Variants in C16orf46 observed in about 807,000 individuals in gnomAD.
C16orf46 encodes the protein chromosome 16 open reading frame 46.
C16orf46 carries 7 observed loss-of-function variants against 5.5 expected under a neutral mutation model. The observed-to-expected ratio is 1.28, with a 90% CI of 0.73 to 2.40. The LOEUF is 2.40. Ranked by LOEUF, C16orf46 falls within the 30% of genes most tolerant of loss-of-function variation. The pLI, the probability that C16orf46 is intolerant of heterozygous loss-of-function variation, is 0.00. For missense variants in C16orf46, 614 were observed against 476.0 expected, an observed-to-expected ratio of 1.29 and a Z score of -2.70; for synonymous variants, 200 against 184.1, an observed-to-expected ratio of 1.09 and a Z score of -0.70.
At chr16:81,059,257 G>T (rs1002981741), downstream of C16orf46, among the ~76,000 whole-genome samples, 12 of 132,000 alleles carry the variant, frequency 9.1e-5, no homozygotes, top group African/African-American at 3.1e-4. Context: ...GGAGGCGGAG[G>T]TTACAGTGAG....
At chr16:81,075,893 T>A (rs1050540101) in intron 1 of C16orf46, among the ~76,000 whole-genome samples, 1 of 152,168 alleles carries the variant, frequency 6.6e-6, no homozygotes. Context: ...GCTGTTTATG[T>A]CAAAAGCAGA....
intron 1 of C16orf46, among the ~76,000 whole-genome samples, chr16:81,075,745 A>C (rs1311388385): frequency 6.6e-6 from 1 of 152,224 alleles, no homozygotes; most frequent in Non-Finnish European, 1.5e-5. Context: ...CATGTTTGCC[A>C]GTCTGTCTAT....
intron 1 of C16orf46, among the ~76,000 whole-genome samples, chr16:81,070,365 G>C (rs760308713): frequency 2.0e-5 from 3 of 152,090 alleles, no homozygotes; most frequent in Non-Finnish European, 2.9e-5. Context: ...AGAATTAAGT[G>C]GAGAAATCAC....
At chr16:81,073,241 G>C (rs918167404) in intron 1 of C16orf46, among the ~76,000 whole-genome samples, 1 of 152,148 alleles carries the variant, frequency 6.6e-6, no homozygotes, top group Non-Finnish European at 1.5e-5. Context: ...CATAAATTCA[G>C]GCTAAAAAGT....
intron 1 of C16orf46, among the ~76,000 whole-genome samples, chr16:81,070,197 G>T (rs1051319521): frequency 3.9e-5 from 6 of 152,042 alleles, no homozygotes; most frequent in Non-Finnish European, 8.8e-5. Flanking sequence ...CCCAAAAATA[G>T]ATTGAAAGGT....
intron 1 of C16orf46, among the ~76,000 whole-genome samples, chr16:81,068,779 G>A (rs1356504120): frequency 6.6e-6 from 1 of 151,986 alleles, no homozygotes; most frequent in East Asian, 1.9e-4. Flanking sequence ...CCAGCTCACT[G>A]CAACCTCCGC....
chr16:81,068,068 A>G (rs1215104519), intron 1 of C16orf46, among the ~76,000 whole-genome samples: 4 of 152,240 alleles, frequency 2.6e-5, no homozygotes, highest in Non-Finnish European at 5.9e-5. Context: ...AAATGCAGAA[A>G]AGAATAGACA....
intron 1 of C16orf46, among the ~76,000 whole-genome samples, chr16:81,070,183 A>C (rs1476036337): frequency 1.3e-5 from 2 of 152,180 alleles, no homozygotes; most frequent in Non-Finnish European, 2.9e-5. Flanking sequence ...TGAAAACACA[A>C]AGTCCCAAAA....
In C16orf46 at chr16:81,061,731, C is replaced by G; in HGVS notation, c.618G>C (p.Arg206Ser). 3 of 1,614,008 alleles carry G rather than the reference C, an allele frequency of 1.9e-6. No homozygotes were observed. The highest frequency in any genetic ancestry group is 2.5e-6 in the Non-Finnish European group (3 of 1,180,018). Residue 206 changes from arginine to serine, a missense_variant, in exon 4 of 4, where the codon AGG (arginine) becomes AGC (serine). Coordinates refer to ENST00000299578, the MANE Select transcript of C16orf46 (RefSeq NM_152337.3). ...TCAGGGGAGGCAGAACTAGGAGGGC[C>G]CTGGAAGTCAGGGGGCCTGGGATGG... ...GLSIPGPLTS[R>S]ALLVLPPLKA...
chr16:81,058,692 T>G (rs1231801783), downstream of C16orf46, among the ~76,000 whole-genome samples: 1 of 152,220 alleles, frequency 6.6e-6, no homozygotes, highest in Non-Finnish European at 1.5e-5. Context: ...TTGTTATATT[T>G]GATCCACTCA....
downstream of C16orf46, among the ~76,000 whole-genome samples, chr16:81,057,400 T>C (rs1282138102): frequency 6.6e-6 from 1 of 151,770 alleles, no homozygotes. Flanking sequence ...AATACAAAAA[T>C]TAGCTGGGCA....
Position 81,061,506 on chromosome 16 carries a change from G to T in C16orf46, c.843C>A (p.Ser281=). Residue 281 remains serine (S), a synonymous_variant, in exon 4 of 4, where the codon TCC becomes TCA. Coordinates refer to ENST00000299578, the MANE Select transcript of C16orf46 (RefSeq NM_152337.3). ...KHPMVNDTPS[S]PSPAAQISLL... ...GGGATATCTGGGCCGCTGGGGAAGG[G>T]GAGGATGGCGTGTCGTTGACCATAG... 6.2e-7 allele frequency: 1 copy of T among 1,614,204 alleles called. No homozygotes were observed. Among genetic ancestry groups the T allele is most frequent in the Non-Finnish European group, 8.5e-7 (1 of 1,180,038 alleles).
chr16:81,059,723 G>T (rs1446050069), downstream of C16orf46, among the ~76,000 whole-genome samples: 2 of 152,050 alleles, frequency 1.3e-5, no homozygotes, highest in African/African-American at 4.8e-5. Flanking sequence ...AACATTAGAT[G>T]CAAAGTAATG....
chr16:81,057,394 C>A (rs1391725517), downstream of C16orf46, among the ~76,000 whole-genome samples: 1 of 151,720 alleles, frequency 6.6e-6, no homozygotes, highest in African/African-American at 2.4e-5. Context: ...ACTAAAAATA[C>A]AAAAATTAGC....
intron 1 of C16orf46, among the ~76,000 whole-genome samples, chr16:81,076,048 C>G (rs1972029917): frequency 6.6e-6 from 1 of 152,138 alleles, no homozygotes; most frequent in Non-Finnish European, 1.5e-5. Flanking sequence ...TTTCTGGCAG[C>G]CTCATTTGGA....
At chr16:81,060,566 T>G (rs1971432110), downstream of C16orf46, 1 of 152,798 alleles carries the variant, frequency 6.5e-6, no homozygotes, top group African/African-American at 2.4e-5. Context: ...TGCCTTGGCC[T>G]CCCAAAGTGC....
chr16:81,068,354 G>A (rs56390429), intron 1 of C16orf46, among the ~76,000 whole-genome samples: 13 of 152,208 alleles, frequency 8.5e-5, no homozygotes, highest in South Asian at 6.2e-4. Flanking sequence ...TTGGGAAAGC[G>A]GGGGAGAAAT....
At position 81,061,048 on chromosome 16, in the gene C16orf46, ACGG is replaced by A; in HGVS notation, c.*110_*112del. The A allele has an allele frequency of 7.3e-7, 1 of 1,360,964 alleles. No homozygotes were observed. The highest frequency in any genetic ancestry group is 9.7e-7 in the Non-Finnish European group (1 of 1,027,436). The allele number at this position is 1,360,964 out of a possible 1,614,324, so 84.3% of individuals were successfully genotyped here. ...GGAAAAGAAGAGTAAAGACAGACTG[ACGG>A]GGAGGAGAGAAAGAGAGAGTGGGGG... On this transcript the variant is annotated 3_prime_UTR_variant, in exon 4 of 4. Transcript: ENST00000299578.
At chr16:81,056,559 G>A (rs913663694), downstream of C16orf46, 5 of 152,142 alleles carry the variant, frequency 3.3e-5, no homozygotes, top group Admixed American at 6.6e-5. Flanking sequence ...GGCTGGGCAT[G>A]GTGGCAGGCA....
Sources: allele counts gnomAD v4.1 joint callset (sites outside exome capture counted in the v4.1 genomes callset), GRCh38; gene constraint gnomAD v4.1.1; transcripts MANE v1.5; gene names NCBI Gene and HGNC (gene_info 2026-07-23, HGNC 2026-07-21).